Variants in DDX46 observed in about 807,000 individuals in gnomAD.
DDX46 encodes DEAD-box helicase 46.
A neutral mutation model predicts 134.9 loss-of-function variants in DDX46; 30 were observed. The observed-to-expected ratio is 0.22, with a 90% CI of 0.17 to 0.30. DDX46 has a LOEUF of 0.30. Among genes scored for constraint, DDX46 ranks in the 10% least tolerant of loss-of-function variants. The probability of loss-of-function intolerance (pLI) is 1.00; values close to 1 mark genes in which losing one functional copy is unlikely to be tolerated. For missense variants in DDX46, 622 were observed against 1,248.7 expected (o/e 0.50, Z 7.56); for synonymous variants, 415 against 404.1 (o/e 1.03, Z -0.32).
chr5:134,762,579 C>A (rs994268380), intron 1 of DDX46, among the ~76,000 whole-genome samples: 2 of 150,004 alleles, frequency 1.3e-5, no homozygotes, highest in African/African-American at 4.9e-5. Flanking sequence ...ACTAAAGATA[C>A]GAAACTGGCT....
rs181461799 is a variant in DDX46, at chr5:134,830,806, C to A, written c.*2100C>A. On this transcript the variant is annotated 3_prime_UTR_variant, in exon 23 of 23. Transcript: ENST00000452510. ...TTTATTTATTTGCTCATCTTTATCA[C>A]CTAATGGTAGTTTGTTTTCTTTGGT... 4 of 152,706 alleles carry A rather than the reference C, an allele frequency of 2.6e-5. No homozygotes were observed. The highest frequency in any genetic ancestry group is 1.5e-5 in the Non-Finnish European group (1 of 68,032). The allele number at this position is 152,706 out of a possible 1,614,324, so 9.5% of individuals were successfully genotyped here. A position where few individuals can be genotyped will look rare whatever the true frequency, so the allele number is the denominator to read the frequency against.
At position 134,781,798 on chromosome 5, in the gene DDX46, G is replaced by A. The variant is rs188424342; in HGVS notation, c.880-123G>A. 6.6e-5 allele frequency: 63 copies of A among 952,548 alleles called. No homozygotes were observed. The East Asian group carries it at 1.4e-3, about 21-fold the overall frequency. The allele number at this position is 952,548 out of a possible 1,614,324, so 59.0% of individuals were successfully genotyped here. The stretch of plus-strand genomic sequence containing the variant: ...AATCTTGTGGGTCAAACAGTGTGTC[G>A]TAGAAAGTAAAATATTAGAGTAGTT... On this transcript the variant is annotated intron_variant, in intron 7 of 22. Coordinates refer to ENST00000452510, the MANE Select transcript of DDX46 (RefSeq NM_001300860.2).
At chr5:134,776,796 C>A (rs796195765) in intron 5 of DDX46, among the ~76,000 whole-genome samples, 4 of 151,882 alleles carry the variant, frequency 2.6e-5, no homozygotes, top group African/African-American at 9.7e-5. Flanking sequence ...GCCTGTAATC[C>A]CAGCTACTCA....
intron 20 of DDX46, 38 bp downstream of exon 20, chr5:134,817,752 A>G: frequency 6.4e-7 from 1 of 1,556,348 alleles, no homozygotes; most frequent in Non-Finnish European, 8.8e-7. Flanking sequence ...ATTGTGAAGT[A>G]GCAACTCTTC....
At chr5:134,764,590 A>G (rs1199546678) in intron 2 of DDX46, among the ~76,000 whole-genome samples, 3 of 152,106 alleles carry the variant, frequency 2.0e-5, no homozygotes, top group African/African-American at 7.2e-5. Context: ...ACCATCAAAC[A>G]GTGTTTTTAG....
At chr5:134,810,392 G>T (rs1755108876) in intron 16 of DDX46, among the ~76,000 whole-genome samples, 1 of 150,916 alleles carries the variant, frequency 6.6e-6, no homozygotes. Context: ...AGACTGGAGT[G>T]CATTGGCGCC....
chr5:134,782,676 G>A (rs922889800), intron 8 of DDX46, among the ~76,000 whole-genome samples: 11 of 151,810 alleles, frequency 7.2e-5, no homozygotes, highest in Non-Finnish European at 1.6e-4. Flanking sequence ...GAGTAGCTGG[G>A]ACTACAGACA....
At chr5:134,820,101 T>C (rs982952768) in intron 21 of DDX46, among the ~76,000 whole-genome samples, 2 of 152,028 alleles carry the variant, frequency 1.3e-5, no homozygotes, top group African/African-American at 4.8e-5. Flanking sequence ...TTTGTATTTT[T>C]AGTAGAGACG....
chr5:134,818,565 G>C (rs541192110), intron 20 of DDX46, among the ~76,000 whole-genome samples: 1 of 151,704 alleles, frequency 6.6e-6, no homozygotes, highest in Admixed American at 6.6e-5. Context: ...AGCTGGGCAT[G>C]GTGGCGCATG....
At chr5:134,788,151 G>A (rs1048707365) in intron 11 of DDX46, among the ~76,000 whole-genome samples, 2 of 152,050 alleles carry the variant, frequency 1.3e-5, no homozygotes, top group Admixed American at 1.3e-4. Context: ...TTCTGAGGCA[G>A]GGTCTTGCTC....
chr5:134,774,632 A>T (rs566404153), intron 5 of DDX46, among the ~76,000 whole-genome samples: 1 of 152,230 alleles, frequency 6.6e-6, no homozygotes, highest in East Asian at 1.9e-4. Flanking sequence ...TATTATACCA[A>T]TGTGAACGTT....
rs190079742 is a variant in DDX46, at chr5:134,780,209, T to G, written c.766-924T>G. ...ATGTATATATGTATGTGTATGTGTA[T>G]ATGTGTGTATATGTGTGTGCGTATA... On this transcript the variant is annotated intron_variant, in intron 6 of 22. Transcript: ENST00000452510. Among the ~76,000 whole-genome samples the G allele has an allele frequency of 1.5e-3, 229 of 151,334 alleles. 1 individual carries two copies. The highest frequency in any genetic ancestry group is 5.2e-3 in the African/African-American group (214 of 41,310).
At chr5:134,779,340 C>T (rs561944034) in intron 6 of DDX46, among the ~76,000 whole-genome samples, 2 of 151,872 alleles carry the variant, frequency 1.3e-5, no homozygotes, top group East Asian at 3.9e-4. Context: ...ATTACAGGCG[C>T]CCACCACCAT....
At chr5:134,788,848 C>CA (rs59766087) in intron 12 of DDX46, among the ~76,000 whole-genome samples, 24,660 of 135,772 alleles carry the variant, frequency 0.18, 2,235 homozygotes, top group South Asian at 0.38. Flanking sequence ...GACTCCGTCT[C>CA]AAAAAAAAAA....
rs1268063107 is a variant in DDX46, at chr5:134,783,646, T to C, written c.1166+581T>C. Among the ~76,000 whole-genome samples, 10 of 137,280 alleles carry C rather than the reference T, an allele frequency of 7.3e-5. No homozygotes were observed. The East Asian group carries it at 2.1e-3, about 29-fold the overall frequency. 90.1% of individuals were successfully genotyped at this position (137,280 alleles called of 152,430 possible). A position where few individuals can be genotyped will look rare whatever the true frequency, so the allele number is the denominator to read the frequency against. On this transcript the variant is annotated intron_variant, in intron 9 of 22. Transcript: ENST00000452510. ...CTCACTGCAACCTCCGCCTCTTGGG[T>C]TCAAGTGATACTTTTGCCTCAGCCT...
chr5:134,785,349 C>G (rs1001584022), intron 10 of DDX46, 116 bp from the exon 11 acceptor site: 1 of 1,325,530 alleles, frequency 7.5e-7, no homozygotes, highest in East Asian at 2.7e-5. Context: ...GGATGCATAA[C>G]AAAACAAAAA....
intron 21 of DDX46, among the ~76,000 whole-genome samples, chr5:134,820,567 T>G (rs924598800): frequency 6.6e-6 from 1 of 152,218 alleles, no homozygotes; most frequent in Non-Finnish European, 1.5e-5. Flanking sequence ...TTTCACCATG[T>G]TGGCCAGGCT....
At chr5:134,805,532 C>CTT (rs554379717) in intron 15 of DDX46, among the ~76,000 whole-genome samples, 1,816 of 137,896 alleles carry the variant, frequency 0.013, 39 homozygotes, top group African/African-American at 0.046. Flanking sequence ...CTTTTCTTTT[C>CTT]TTTTTTTTTT....
At chr5:134,793,214 T>G (rs1028779023) in intron 13 of DDX46, among the ~76,000 whole-genome samples, 1 of 152,128 alleles carries the variant, frequency 6.6e-6, no homozygotes, top group Non-Finnish European at 1.5e-5. Flanking sequence ...CTTCATAGAT[T>G]AAAAAAACAC....
Sources: allele counts gnomAD v4.1 joint callset (sites outside exome capture counted in the v4.1 genomes callset), GRCh38; gene constraint gnomAD v4.1.1; transcripts MANE v1.5; gene names NCBI Gene and HGNC (gene_info 2026-07-23, HGNC 2026-07-21).